WDR24: variants seen among roughly 807,000 people sequenced by gnomAD.
WDR24 encodes WD repeat domain 24.
In WDR24, 32 loss-of-function variants were observed where a neutral mutation model predicts 66.7. That is an observed-to-expected ratio of 0.48 (90% CI 0.36 to 0.64). The LOEUF is 0.64. WDR24 is among the 30% of genes least tolerant of loss of function. The pLI is 0.00. For missense variants in WDR24, 978 were observed against 1,144.1 expected, an observed-to-expected ratio of 0.85 and a Z score of 2.09; for synonymous variants, 565 against 469.1, an observed-to-expected ratio of 1.20 and a Z score of -2.64.
chr16:685,501 G>T lies in WDR24; in HGVS notation c.1775C>A (p.Ala592Asp). ...PPGPEHLQDK[A>D]DSPHVSGSEA... ...GCTGCCGCTCACGTGCGGGGAGTCGGCCTTGTCCTGCAGGTGCTCGGGCCC... is the reference window on the plus strand; with the variant it reads ...GCTGCCGCTCACGTGCGGGGAGTCGTCCTTGTCCTGCAGGTGCTCGGGCCC... The change falls in exon 7 of 9, where the codon GCC (alanine) becomes GAC (aspartate). Residue 592 changes from alanine (A) to aspartate (D), a missense_variant. By Grantham distance (126) the Ala-to-Asp change is moderately radical. Transcript: ENST00000293883. 1.3e-6 allele frequency: 2 copies of T among 1,596,548 alleles called. No homozygotes were observed. The highest frequency in any genetic ancestry group is 8.6e-7 in the Non-Finnish European group (1 of 1,168,372).
Position 687,661 on chromosome 16 carries a change from T to C in WDR24, c.560A>G (p.Asn187Ser). Residue 187 changes from asparagine to serine, a missense_variant, in exon 2 of 9, where the codon AAT (asparagine) becomes AGT (serine). This residue lies in a region of WDR24 where 302 missense variants were observed against 526.6 expected (regional missense o/e 0.57). Coordinates refer to ENST00000293883, the MANE Select transcript of WDR24 (RefSeq NM_032259.4). ...FTFASTFENG[N>S]VQLWDIRRPD... The stretch of plus-strand genomic sequence containing the variant: ...ACGCCGGATGTCCCAGAGCTGCACA[T>C]TGCCGTTCTCAAAGGTGGAGGCGAA... The C allele has an allele frequency of 5.0e-6, 8 of 1,613,640 alleles. No individual in the cohort carries two copies. Among genetic ancestry groups the C allele is most frequent in the Non-Finnish European group, 6.8e-6 (8 of 1,180,030 alleles).
rs753372414 is a variant in WDR24, at chr16:687,173, C to T, written c.903G>A (p.Thr301=). Residue 301 remains threonine, a synonymous_variant, in exon 3 of 9, where the codon ACG becomes ACA. Coordinates refer to ENST00000293883, the MANE Select transcript of WDR24 (RefSeq NM_032259.4). The part of the protein sequence containing the change: ...AMFEEHRDVT[T]GIAWRHPHDP... ...CGTGGGGGTGGCGCCAGGCAATTCC[C>T]GTGGTGACGTCTCGGTGTTCCTCAA... 1.1e-5 allele frequency: 18 copies of T among 1,612,710 alleles called. No homozygotes were observed. Among genetic ancestry groups the T allele is most frequent in the Admixed American group, 1.7e-5 (1 of 60,028 alleles).
rs141181538 is a variant in WDR24, at chr16:689,161, C to T, written c.480G>A (p.Ser160=). 135 of 1,613,000 alleles carry T rather than the reference C, an allele frequency of 8.4e-5. No individual in the cohort carries two copies. In the African/African-American group the frequency reaches 1.6e-3, roughly 19 times the overall value. Residue 160 remains serine, a splice_region_variant and synonymous_variant, in exon 1 of 9, where the codon TCG becomes TCA. Transcript: ENST00000293883. The stretch of plus-strand genomic sequence containing the variant: ...CCTGACCTGCCTCTGTGGCCTCACC[C>T]GAGAAGGTGCTGACAGAGTCCTTTC... ...LRRKDSVSTF[S]GQSESVRDVQ...
At position 689,148 on chromosome 16, in the gene WDR24, CTG is replaced by C. The variant is rs760232575; in HGVS notation, c.481+10_481+11del. The C allele has an allele frequency of 1.1e-5, 18 of 1,611,866 alleles. No homozygotes were observed. Among genetic ancestry groups the C allele is most frequent in the Non-Finnish European group, 1.4e-5 (16 of 1,178,926 alleles). The stretch of plus-strand genomic sequence containing the variant: ...GACGCCCACCTGCCCTGACCTGCCT[CTG>C]TGGCCTCACCCGAGAAGGTGCTGAC... On this transcript the variant is annotated intron_variant, in intron 1 of 8. Coordinates refer to ENST00000293883, the MANE Select transcript of WDR24 (RefSeq NM_032259.4).
In WDR24 at chr16:686,127, A is replaced by C; in HGVS notation, c.1392T>G (p.Thr464=). The change falls in exon 4 of 9, where the codon ACT becomes ACG. Residue 464 remains threonine, a synonymous_variant. Transcript: ENST00000293883. ...TGCCCACACTGTGGTTGAGGTTTGCAGTGGGCACTAGGCCAGGGCTGCAGT... is the reference window on the plus strand; with the variant it reads ...TGCCCACACTGTGGTTGAGGTTTGCCGTGGGCACTAGGCCAGGGCTGCAGT... ...IIYCSPGLVP[T]ANLNHSVGKG... 1 of 1,613,110 alleles carries C rather than the reference A, an allele frequency of 6.2e-7. No homozygotes were observed. Among genetic ancestry groups the C allele is most frequent in the African/African-American group, 1.3e-5 (1 of 75,042 alleles).
chr16:685,797 G>T lies in WDR24; in HGVS notation c.1574-14C>A. On this transcript the variant is annotated splice_polypyrimidine_tract_variant and intron_variant, in intron 5 of 8. Transcript: ENST00000293883. ...TTTCCTCGTTATCTGCCCGACAATG[G>T]GGCGGGCATTCAGGGTCGTCTGGGA... The T allele has an allele frequency of 2.5e-6, 4 of 1,613,108 alleles. No individual in the cohort carries two copies. The highest frequency in any genetic ancestry group is 3.4e-6 in the Non-Finnish European group (4 of 1,179,980).
rs2039947471 is a variant in WDR24, at chr16:689,937, C to T, written c.-297G>A. On this transcript the variant is annotated 5_prime_UTR_variant, in exon 1 of 9. Transcript: ENST00000293883. The stretch of plus-strand genomic sequence containing the variant: ...TTTCATGTCTGACTTCCACGGAAGA[C>T]TCTAGCTGGACATTCCCGGCCCAGG... 3.2e-6 allele frequency: 2 copies of T among 625,332 alleles called. No individual in the cohort carries two copies. The highest frequency in any genetic ancestry group is 6.0e-6 in the Non-Finnish European group (2 of 336,042). 38.7% of individuals were successfully genotyped at this position (625,332 alleles called of 1,614,324 possible).
chr16:687,519 G>C (rs1316938884), intron 2 of WDR24, 43 bp downstream of exon 2: 3 of 1,602,538 alleles, frequency 1.9e-6, no homozygotes. Flanking sequence ...GAGGCAGTGA[G>C]AGCTTACTGT....
At position 684,862 on chromosome 16, in the gene WDR24, C is replaced by G; in HGVS notation, c.2245G>C (p.Val749Leu). ...CASMCAVCHHVVKGLFVWCQG... is the reference protein window; with the variant it reads ...CASMCAVCHHLVKGLFVWCQG... ...CACCACACGAAGAGACCCTTGACTACGTGGTGGCAGACGGCACACATGCTG... is the reference window on the plus strand; with the variant it reads ...CACCACACGAAGAGACCCTTGACTAGGTGGTGGCAGACGGCACACATGCTG... The change falls in exon 9 of 9, where the codon GTA becomes CTA. Residue 749 changes from valine (V) to leucine (L), a missense_variant. Val to Leu is a conservative substitution (Grantham distance 32). This residue lies in a region of WDR24 where 676 missense variants were observed against 617.5 expected (regional missense o/e 1.09). Transcript: ENST00000293883. 1 of 1,281,138 alleles carries G rather than the reference C, an allele frequency of 7.8e-7. No individual in the cohort carries two copies. The highest frequency in any genetic ancestry group is 1.0e-6 in the Non-Finnish European group (1 of 980,166). The allele number at this position is 1,281,138 out of a possible 1,614,324, so 79.4% of individuals were successfully genotyped here.
In WDR24 at chr16:686,847, C is replaced by T. The variant is rs377320675; in HGVS notation, c.1229G>A (p.Arg410His). ...ACGCTCAGCTGTGTCCACAAACCAG[C>T]GCATGCCGCCGCCACCTGGCTCCGT... ...FETEPGGGGM[R>H]WFVDTAERYA... The change falls in exon 3 of 9, where the codon CGC (arginine) becomes CAC (histidine). Residue 410 changes from arginine to histidine, a missense_variant. Physicochemically the swap from Arg to His is conservative, Grantham distance 29. Around this residue, in one of 2 missense-constraint regions of WDR24, gnomAD observed 676 missense variants for 617.5 expected, o/e 1.09. Transcript: ENST00000293883. 70 of 1,611,090 alleles carry T rather than the reference C, an allele frequency of 4.3e-5. No individual in the cohort carries two copies. The highest frequency in any genetic ancestry group is 2.1e-4 in the African/African-American group (16 of 75,072).
Position 690,049 on chromosome 16 carries a change from C to T in WDR24, c.-409G>A, listed in dbSNP as rs1567295287. 1 of 474,000 alleles carries T rather than the reference C, an allele frequency of 2.1e-6. No individual in the cohort carries two copies. The highest frequency in any genetic ancestry group is 2.0e-5 in the African/African-American group (1 of 50,968). The allele number at this position is 474,000 out of a possible 1,614,324, so 29.4% of individuals were successfully genotyped here. ...CCCAGCAGGGGAGCGAGGAGACTCC[C>T]GCCGTCCACACTGTCAGCCCTGAGG... On this transcript the variant is annotated 5_prime_UTR_variant, in exon 1 of 9. Transcript: ENST00000293883.
In WDR24 at chr16:687,089, G is replaced by T; in HGVS notation, c.987C>A (p.Arg329=). The change falls in exon 3 of 9, where the codon CGC becomes CGA. Residue 329 remains arginine (R), a synonymous_variant. Transcript: ENST00000293883. The stretch of plus-strand genomic sequence containing the variant: ...CGCGCTCGACGGGCTGGCTGGCGTC[G>T]CGGAACAGGTGCTGGCACAGCGAGC... ...KDSSLCQHLF[R]DASQPVERAN... 1.2e-6 allele frequency: 2 copies of T among 1,608,438 alleles called. No homozygotes were observed. Among genetic ancestry groups the T allele is most frequent in the Non-Finnish European group, 1.7e-6 (2 of 1,179,350 alleles).
rs774448989 is a variant in WDR24, at chr16:685,283, G to A, written c.1993C>T (p.Arg665Cys). 4 of 1,595,588 alleles carry A rather than the reference G, an allele frequency of 2.5e-6. No individual in the cohort carries two copies. Among genetic ancestry groups the A allele is most frequent in the East Asian group, 2.2e-5 (1 of 44,512 alleles). ...SVLIVLGERV[R>C]KDIDEQTQEH... The stretch of plus-strand genomic sequence containing the variant: ...TGGGTCTGCTCGTCGATGTCCTTGC[G>A]CACCCGTTCACCCAGGACGATGAGC... The change falls in exon 7 of 9, where the codon CGC (arginine) becomes TGC (cysteine). Residue 665 changes from arginine (R) to cysteine (C), a missense_variant. This residue lies in a region of WDR24 where 676 missense variants were observed against 617.5 expected (regional missense o/e 1.09). Coordinates refer to ENST00000293883, the MANE Select transcript of WDR24 (RefSeq NM_032259.4).
rs778826040 is a variant in WDR24, at chr16:689,113, C to T, written c.481+47G>A. The T allele has an allele frequency of 4.4e-6, 7 of 1,599,072 alleles. No homozygotes were observed. In the South Asian group the frequency reaches 7.8e-5, roughly 18 times the overall value. On this transcript the variant is annotated intron_variant, in intron 1 of 8. Transcript: ENST00000293883. ...TTTCCGCCTGCATGGACAGGCTGGG[C>T]ACCGGCAGAGACGCCCACCTGCCCT...
rs1003650523 is a variant in WDR24, at chr16:684,783, C to G, written c.2324G>C (p.Gly775Ala). ...GCAGCCTGCGGGACAGTGGGAGCTG[C>G]CTTCCAGCCACTTCATGATGTGCTG... Reference protein sequence around the residue: ...HLQHIMKWLEGSSHCPAGCGH... With the variant: ...HLQHIMKWLEASSHCPAGCGH... Residue 775 changes from glycine to alanine, a missense_variant, in exon 9 of 9, where the codon GGC becomes GCC. This residue lies in a region of WDR24 where 676 missense variants were observed against 617.5 expected (regional missense o/e 1.09). Transcript: ENST00000293883. The G allele has an allele frequency of 6.3e-7, 1 of 1,596,562 alleles. No individual in the cohort carries two copies. The highest frequency in any genetic ancestry group is 1.3e-5 in the African/African-American group (1 of 74,546).
In WDR24 at chr16:687,251, G is replaced by T; in HGVS notation, c.825C>A (p.Asp275Glu). The part of the protein sequence containing the change: ...HHLATCSMMV[D>E]HNIYVWDVRR... ...GCACGTCCCAAACATAGATGTTGTG[G>T]TCCACCATCATGGAGCACGTGGCCA... Residue 275 changes from aspartate (D) to glutamate (E), a missense_variant, in exon 3 of 9, where the codon GAC becomes GAA. This residue lies in a region of WDR24 where 302 missense variants were observed against 526.6 expected (regional missense o/e 0.57). Transcript: ENST00000293883. 1 of 1,612,364 alleles carries T rather than the reference G, an allele frequency of 6.2e-7. No homozygotes were observed.
intron 5 of WDR24, 29 bp downstream of exon 5, chr16:685,840 C>T (rs369385742): frequency 1.8e-5 from 29 of 1,613,042 alleles, no homozygotes; most frequent in Non-Finnish European, 2.5e-5. Context: ...ACCCCTCTCC[C>T]ATCAGCACCC....
At position 689,698 on chromosome 16, in the gene WDR24, C is replaced by G; in HGVS notation, c.-58G>C. 1 of 1,581,908 alleles carries G rather than the reference C, an allele frequency of 6.3e-7. No homozygotes were observed. Among genetic ancestry groups the G allele is most frequent in the Non-Finnish European group, 8.6e-7 (1 of 1,164,216 alleles). On this transcript the variant is annotated 5_prime_UTR_variant, in exon 1 of 9. An upstream open reading frame in the 5' UTR loses its in-frame stop. Coordinates refer to ENST00000293883, the MANE Select transcript of WDR24 (RefSeq NM_032259.4). ...GGTCAGTGAGGTGGGCTGGCCTGGT[C>G]AGCCTGGGTGGGTCATCAGTTCAGA...
intron 3 of WDR24, 102 bp downstream of exon 3, chr16:686,642 G>A (rs2039910896): frequency 7.2e-7 from 1 of 1,383,592 alleles, no homozygotes; most frequent in Non-Finnish European, 9.8e-7. Flanking sequence ...ACTGGCTGGA[G>A]TCCATTGCGG....
Sources: allele counts gnomAD v4.1 joint callset, GRCh38; gene constraint gnomAD v4.1.1; regional missense constraint gnomAD v4.1.1; transcripts MANE v1.5; gene names NCBI Gene and HGNC (gene_info 2026-07-23, HGNC 2026-07-21).